The following VIT variants were observed in gnomAD, a reference collection of about 807,000 sequenced individuals.
The protein encoded by VIT is vitrin.
VIT carries 99 observed loss-of-function variants against 78.0 expected under a neutral mutation model. That is an observed-to-expected ratio of 1.27 (90% CI 1.08 to 1.50). The LOEUF is 1.50. VIT is among the 40% of genes most tolerant of loss of function. VIT has a pLI of 0.00. For synonymous variants in VIT, 374 were observed against 334.3 expected (o/e 1.12, Z -1.29); for missense variants, 1,126 against 875.3 (o/e 1.29, Z -3.61).
Position 36,812,489 on chromosome 2 carries a change from G to A in VIT, c.1904-1694G>A, listed in dbSNP as rs533473480. ...ACCCAAATCAAGACCCACCACCCCG[G>A]GCAGTCTCCCAGTTTTCCCACTAAG... On this transcript the variant is annotated intron_variant, in intron 15 of 15. Transcript: ENST00000379242. Among the ~76,000 whole-genome samples the A allele has an allele frequency of 3.9e-4, 59 of 152,142 alleles. 1 individual carries two copies. The South Asian group carries it at 9.3e-3, about 24-fold the overall frequency.
intron 1 of VIT, among the ~76,000 whole-genome samples, chr2:36,715,263 G>T (rs1404632853): frequency 6.6e-6 from 1 of 152,148 alleles, no homozygotes; most frequent in Non-Finnish European, 1.5e-5. Context: ...AAGCCAACTG[G>T]GCTCAGGGGC....
chr2:36,747,830 A>G (rs1346598716), intron 4 of VIT, among the ~76,000 whole-genome samples: 2 of 152,188 alleles, frequency 1.3e-5, no homozygotes, highest in Admixed American at 6.5e-5. Context: ...TTGGTTGTGT[A>G]GTTGCTTTAT....
chr2:36,760,960 C>T (rs371736146), intron 6 of VIT, among the ~76,000 whole-genome samples: 4 of 152,080 alleles, frequency 2.6e-5, no homozygotes, highest in African/African-American at 4.8e-5. Context: ...TGCACCCCTC[C>T]CCCTCTCAGA....
chr2:36,795,367 TTATTTTATTTTATTTTA>T (rs1466957123), intron 12 of VIT, among the ~76,000 whole-genome samples: 10 of 66,918 alleles, frequency 1.5e-4, no homozygotes, highest in African/African-American at 4.7e-4. Context: ...TTTATTTTAT[TTATTTTATTTTATTTTA>T]TATTTTATTT....
Position 36,714,900 on chromosome 2 carries a change from C to A in VIT, c.-18-1453C>A, listed in dbSNP as rs535920211. 2.6e-5 allele frequency among the ~76,000 whole-genome samples: 4 copies of A among 152,246 alleles called. No individual in the cohort carries two copies. The South Asian group carries it at 8.3e-4, about 32-fold the overall frequency. On this transcript the variant is annotated intron_variant, in intron 1 of 15. Coordinates refer to ENST00000379242, the MANE Select transcript of VIT (RefSeq NM_053276.4). ...CTCAATTAATAGTAGTATCAGCAAA[C>A]CTTTGGCAGTGTCGTCATAGCCTTA...
intron 4 of VIT, among the ~76,000 whole-genome samples, chr2:36,746,071 T>C (rs1464937182): frequency 1.3e-5 from 2 of 152,122 alleles, no homozygotes; most frequent in Non-Finnish European, 2.9e-5. Flanking sequence ...GATCACATGG[T>C]TTTTGTTTTT....
At chr2:36,748,926 G>C (rs948291368) in intron 4 of VIT, among the ~76,000 whole-genome samples, 2 of 152,190 alleles carry the variant, frequency 1.3e-5, no homozygotes, top group Middle Eastern at 3.2e-3. Context: ...CAGCTGTGTA[G>C]TCAATCATCT....
intron 1 of VIT, among the ~76,000 whole-genome samples, chr2:36,706,461 G>C (rs923854366): frequency 6.6e-6 from 1 of 152,164 alleles, no homozygotes; most frequent in Non-Finnish European, 1.5e-5. Context: ...ACTGGAAATA[G>C]AACCTGGAAA....
rs577083523 is a variant in VIT, at chr2:36,719,570, C to T, written c.52+3148C>T. Among the ~76,000 whole-genome samples the T allele has an allele frequency of 2.4e-4, 28 of 115,754 alleles. No homozygotes were observed. In the South Asian group the frequency reaches 5.1e-3, roughly 21 times the overall value. 75.9% of individuals were successfully genotyped at this position (115,754 alleles called of 152,430 possible). On this transcript the variant is annotated intron_variant, in intron 2 of 15. Coordinates refer to ENST00000379242, the MANE Select transcript of VIT (RefSeq NM_053276.4). Reference sequence around the variant, plus strand: ...TCTGAAAAAGAAACAATCTCATTTACGATAGTATCAAAAAAAAACTACTTA... The same window carrying T: ...TCTGAAAAAGAAACAATCTCATTTATGATAGTATCAAAAAAAAACTACTTA...
intron 2 of VIT, among the ~76,000 whole-genome samples, chr2:36,723,158 C>G (rs780332939): frequency 2.6e-4 from 40 of 152,082 alleles, no homozygotes; most frequent in Non-Finnish European, 2.8e-4. Flanking sequence ...CTGAACACTT[C>G]ACAGGTAATT....
In VIT at chr2:36,805,556, G is replaced by C; in HGVS notation, c.1281G>C (p.Glu427Asp). ...VDGWPTDKVE[E>D]ASRLARESGI... ...GCTGGCCCACGGACAAAGTGGAGGA[G>C]GCTTCAAGACTTGCGAGAGAGTCAG... Residue 427 changes from glutamate (E) to aspartate (D), a missense_variant, in exon 14 of 16, where the codon GAG (glutamate) becomes GAC (aspartate). By Grantham distance (45) the Glu-to-Asp change is conservative (BLOSUM62 2). Transcript: ENST00000379242. 1 of 1,614,104 alleles carries C rather than the reference G, an allele frequency of 6.2e-7. No homozygotes were observed.
intron 10 of VIT, among the ~76,000 whole-genome samples, chr2:36,782,205 G>A (rs1236900437): frequency 6.6e-6 from 1 of 152,204 alleles, no homozygotes; most frequent in Non-Finnish European, 1.5e-5. Context: ...AGACCTTCCA[G>A]CTCTTCATGG....
intron 4 of VIT, among the ~76,000 whole-genome samples, chr2:36,748,749 C>T (rs1399386141): frequency 6.6e-6 from 1 of 152,232 alleles, no homozygotes; most frequent in Non-Finnish European, 1.5e-5. Context: ...CAGGACTGAG[C>T]TAGTCCTGGC....
intron 2 of VIT, among the ~76,000 whole-genome samples, chr2:36,727,765 C>T (rs1218471333): frequency 5.9e-5 from 9 of 152,208 alleles, no homozygotes. Context: ...ATTGTAGCCA[C>T]TGATGTAGTA....
At position 36,728,544 on chromosome 2, in the gene VIT, T is replaced by C. The variant is rs563800073; in HGVS notation, c.53-882T>C. Among the ~76,000 whole-genome samples the C allele has an allele frequency of 1.5e-3, 43 of 29,540 alleles. 16 individuals carry two copies. The highest frequency in any genetic ancestry group is 4.3e-3 in the Non-Finnish European group (37 of 8,680). 19.4% of individuals were successfully genotyped at this position (29,540 alleles called of 152,430 possible). A position where few individuals can be genotyped will look rare whatever the true frequency, so the allele number is the denominator to read the frequency against. ...AAGAAAAAATATTGGCCGGGCGCGG[T>C]GGCTCACGCCTGTAATCCCAGCACT... On this transcript the variant is annotated intron_variant, in intron 2 of 15. Coordinates refer to ENST00000379242, the MANE Select transcript of VIT (RefSeq NM_053276.4).
chr2:36,718,970 G>A (rs1164805884), intron 2 of VIT, among the ~76,000 whole-genome samples: 2 of 152,156 alleles, frequency 1.3e-5, no homozygotes, highest in Admixed American at 1.3e-4. Context: ...AATGGGTTGA[G>A]GGTGGGACAA....
chr2:36,713,152 G>C (rs1329860624), intron 1 of VIT, among the ~76,000 whole-genome samples: 1 of 152,230 alleles, frequency 6.6e-6, no homozygotes, highest in Non-Finnish European at 1.5e-5. Flanking sequence ...GGTGGGTGAG[G>C]TGGGAGGAGG....
intron 9 of VIT, among the ~76,000 whole-genome samples, chr2:36,779,284 A>G (rs562386743): frequency 5.3e-4 from 81 of 152,158 alleles, no homozygotes; most frequent in Non-Finnish European, 8.8e-4. Flanking sequence ...CCTGTGCATG[A>G]GTTTCCTCAC....
intron 5 of VIT, 24 bp from the exon 6 acceptor site, chr2:36,758,945 G>A (rs376844939): frequency 1.2e-4 from 169 of 1,393,298 alleles, no homozygotes; most frequent in Middle Eastern, 7.3e-4. Context: ...AATAAATCTC[G>A]TTTTTTTTTT....
Sources: allele counts gnomAD v4.1 joint callset (sites outside exome capture counted in the v4.1 genomes callset), GRCh38; gene constraint gnomAD v4.1.1; transcripts MANE v1.5; gene names NCBI Gene and HGNC (gene_info 2026-07-23, HGNC 2026-07-21).